FAM227A: variants seen among roughly 807,000 people sequenced by gnomAD.
The protein encoded by FAM227A is family with sequence similarity 227 member A.
Under a neutral mutation model 74.7 loss-of-function variants are expected in FAM227A, and 80 were observed. The ratio of observed to expected loss-of-function variants is 1.07; its 90% CI spans 0.89 to 1.29. The LOEUF is 1.29. FAM227A is among the 50% of genes most tolerant of loss of function. The pLI, the probability that FAM227A is intolerant of heterozygous loss-of-function variation, is 0.00. For synonymous variants in FAM227A, 237 were observed against 241.8 expected, an observed-to-expected ratio of 0.98 and a Z score of 0.19; for missense variants, 654 against 683.4, an observed-to-expected ratio of 0.96 and a Z score of 0.48.
chr22:38,598,409 A>G (rs1162218512), intron 14 of FAM227A, among the ~76,000 whole-genome samples: 1 of 152,202 alleles, frequency 6.6e-6, no homozygotes, highest in African/African-American at 2.4e-5. Context: ...CTGGGACTCA[A>G]ATCTAGGGCT....
chr22:38,606,662 T>C (rs1478171355), intron 12 of FAM227A, among the ~76,000 whole-genome samples: 2 of 152,204 alleles, frequency 1.3e-5, no homozygotes, highest in Non-Finnish European at 2.9e-5. Flanking sequence ...GCAAGTAACA[T>C]GAAACTTTTC....
intron 13 of FAM227A, among the ~76,000 whole-genome samples, chr22:38,604,715 G>A (rs949169407): frequency 5.9e-5 from 9 of 151,988 alleles, no homozygotes; most frequent in Admixed American, 2.6e-4. Flanking sequence ...GTGCAGTGGC[G>A]CGATCTTAGC....
chr22:38,587,396 G>A (rs899786595), intron 16 of FAM227A, among the ~76,000 whole-genome samples: 1 of 152,068 alleles, frequency 6.6e-6, no homozygotes, highest in Non-Finnish European at 1.5e-5. Flanking sequence ...GACACACATA[G>A]ATGAAAGTGA....
intron 2 of FAM227A, among the ~76,000 whole-genome samples, chr22:38,647,835 C>T (rs970066662): frequency 5.2e-4 from 79 of 152,132 alleles, no homozygotes; most frequent in African/African-American, 1.9e-3. Flanking sequence ...CAAGAAGGGA[C>T]ATGACAAATC....
chr22:38,592,566 T>C (rs2146155674), intron 15 of FAM227A, among the ~76,000 whole-genome samples: 1 of 152,320 alleles, frequency 6.6e-6, no homozygotes, highest in African/African-American at 2.4e-5. Flanking sequence ...AATGTGGACG[T>C]GGTGGCTGGA....
intron 11 of FAM227A, among the ~76,000 whole-genome samples, chr22:38,608,134 CAT>C (rs1323333779): frequency 8.5e-6 from 1 of 118,008 alleles, no homozygotes; most frequent in Non-Finnish European, 1.7e-5. Flanking sequence ...TCCTGGGCAA[CAT>C]AGTGAGACCT....
chr22:38,593,902 G>C (rs912885100), intron 15 of FAM227A, among the ~76,000 whole-genome samples: 1 of 151,968 alleles, frequency 6.6e-6, no homozygotes, highest in Non-Finnish European at 1.5e-5. Context: ...ATGTTGGCCC[G>C]GCTGGTCTCA....
chr22:38,633,780 T>G (rs1268986512), intron 6 of FAM227A, among the ~76,000 whole-genome samples: 1 of 152,144 alleles, frequency 6.6e-6, no homozygotes, highest in East Asian at 1.9e-4. Context: ...GATCTCGTGA[T>G]CCAACCACCT....
At chr22:38,632,232 CAT>C (rs1233371901) in intron 6 of FAM227A, among the ~76,000 whole-genome samples, 1 of 152,070 alleles carries the variant, frequency 6.6e-6, no homozygotes, top group Non-Finnish European at 1.5e-5. Flanking sequence ...TGATTGGTCT[CAT>C]GTGGGAATAT....
At chr22:38,636,336 C>CT in intron 6 of FAM227A, 115 bp downstream of exon 6, 1 of 1,184,538 alleles carries the variant, frequency 8.4e-7, no homozygotes, top group Non-Finnish European at 1.2e-6. Flanking sequence ...GCTCAGACAC[C>CT]TGCAAGCCTG....
intron 16 of FAM227A, among the ~76,000 whole-genome samples, chr22:38,587,086 C>G (rs1289174716): frequency 6.6e-6 from 1 of 151,826 alleles, no homozygotes; most frequent in Non-Finnish European, 1.5e-5. Context: ...AAAACAAAAA[C>G]ATAACACAAT....
intron 11 of FAM227A, among the ~76,000 whole-genome samples, chr22:38,613,870 G>T (rs185367532): frequency 6.6e-6 from 1 of 152,116 alleles, no homozygotes; most frequent in Non-Finnish European, 1.5e-5. Flanking sequence ...ACTCATCTGA[G>T]AGCTAGAATT....
chr22:38,617,714 G>A (rs546300271), intron 11 of FAM227A, among the ~76,000 whole-genome samples: 92 of 152,284 alleles, frequency 6.0e-4, no homozygotes, highest in East Asian at 2.3e-3. Context: ...AAAGATTAGC[G>A]GGGAGGCTGG....
intron 13 of FAM227A, among the ~76,000 whole-genome samples, chr22:38,603,733 C>T (rs879226561): frequency 6.6e-6 from 1 of 152,034 alleles, no homozygotes; most frequent in Admixed American, 6.6e-5. Flanking sequence ...CCCCAGAGGT[C>T]ACAAACATAT....
At chr22:38,617,713 C>T (rs567809360) in intron 11 of FAM227A, among the ~76,000 whole-genome samples, 46 of 152,212 alleles carry the variant, frequency 3.0e-4, no homozygotes, top group African/African-American at 9.6e-4. Context: ...TAAAGATTAG[C>T]GGGGAGGCTG....
In FAM227A at chr22:38,628,305, A is replaced by C; in HGVS notation, c.659T>G (p.Ile220Arg). The change falls in exon 8 of 17, where the codon ATA (isoleucine) becomes AGA (arginine). Residue 220 changes from isoleucine to arginine, a missense_variant. By Grantham distance (97) the Ile-to-Arg change is moderately conservative (BLOSUM62 -3). Transcript: ENST00000535113. ...KELQNNLFDRIAQHYALLLFR... is the reference protein window; with the variant it reads ...KELQNNLFDRRAQHYALLLFR... ...CAAAAGTAAGGCATAGTGCTGGGCT[A>C]TCCGGTCAAACAGATTATTCTGGAG... 1 of 1,551,518 alleles carries C rather than the reference A, an allele frequency of 6.4e-7. No individual in the cohort carries two copies. The highest frequency in any genetic ancestry group is 1.4e-5 in the African/African-American group (1 of 73,172).
At chr22:38,642,010 T>G (rs2092128764) in intron 3 of FAM227A, among the ~76,000 whole-genome samples, 1 of 152,108 alleles carries the variant, frequency 6.6e-6, no homozygotes, top group South Asian at 2.1e-4. Context: ...TGAGAATTAT[T>G]GAAGGGTTTG....
intron 3 of FAM227A, among the ~76,000 whole-genome samples, chr22:38,642,792 T>C (rs953351334): frequency 6.7e-6 from 1 of 150,178 alleles, no homozygotes; most frequent in African/African-American, 2.5e-5. Flanking sequence ...AAAAATTAAT[T>C]GGGCGTGGTG....
chr22:38,588,615 TAAAAAAAAAA>T (rs757871619), intron 16 of FAM227A, among the ~76,000 whole-genome samples: 8 of 47,848 alleles, frequency 1.7e-4, no homozygotes, highest in African/African-American at 6.8e-4. Flanking sequence ...TGACTCTGTC[TAAAAAAAAAA>T]AAAAAAAAAA....
Sources: gnomAD v4.1 joint callset for allele counts (sites outside exome capture counted in the v4.1 genomes callset) on GRCh38, gnomAD v4.1.1 for gene constraint, MANE v1.5 for transcripts, NCBI Gene and HGNC (gene_info 2026-07-23, HGNC 2026-07-21) for gene names.